Variants in IL1RAPL1 observed in about 807,000 individuals in gnomAD.
IL1RAPL1 encodes the protein interleukin-1 receptor accessory protein-like 1.
A neutral mutation model predicts 48.4 loss-of-function variants in IL1RAPL1; 3 were observed. The observed-to-expected ratio is 0.06, with a 90% CI of 0.03 to 0.16. The LOEUF is 0.16. Ranked by LOEUF, IL1RAPL1 falls within the 10% of genes least tolerant of loss-of-function variation. The probability of loss-of-function intolerance (pLI) is 1.00; values close to 1 mark genes in which losing one functional copy is unlikely to be tolerated. For synonymous variants in IL1RAPL1, 185 were observed against 187.7 expected (o/e 0.99, Z 0.12); for missense variants, 349 against 530.6 (o/e 0.66, Z 3.36).
chrX:28,780,256 G>A (rs1936406610), intron 1 of IL1RAPL1, among the ~76,000 whole-genome samples: 1 of 109,154 alleles, frequency 9.2e-6, no homozygotes, highest in South Asian at 4.0e-4. Flanking sequence ...CCTTAAAGTA[G>A]TATTAGGTGG....
chrX:29,103,218 C>T (rs1024527359), intron 2 of IL1RAPL1, among the ~76,000 whole-genome samples: 10 of 111,755 alleles, frequency 8.9e-5, no homozygotes, highest in Non-Finnish European at 1.7e-4. Flanking sequence ...ACCGAGCCCA[C>T]GTTATGCTAC....
At chrX:29,294,420 C>T (rs1021318183) in intron 3 of IL1RAPL1, among the ~76,000 whole-genome samples, 3 of 106,777 alleles carry the variant, frequency 2.8e-5, no homozygotes, top group Admixed American at 1.0e-4. Context: ...CCCAGCTACT[C>T]GGGAGGCTGA....
chrX:28,641,164 G>A (rs1483057214), intron 1 of IL1RAPL1, among the ~76,000 whole-genome samples: 3 of 109,024 alleles, frequency 2.8e-5, no homozygotes, highest in Admixed American at 2.0e-4. Flanking sequence ...TGCTGCACCC[G>A]TCAACCTGTC....
At chrX:28,958,365 C>T (rs1484735599) in intron 2 of IL1RAPL1, among the ~76,000 whole-genome samples, 2 of 111,605 alleles carry the variant, frequency 1.8e-5, no homozygotes, top group African/African-American at 3.3e-5. Flanking sequence ...TCACTCCTAA[C>T]GCTGTACACA....
chrX:28,997,986 A>G (rs957457450), intron 2 of IL1RAPL1, among the ~76,000 whole-genome samples: 32 of 112,028 alleles, frequency 2.9e-4, no homozygotes, highest in African/African-American at 1.0e-3. Flanking sequence ...AAGAGTTGTC[A>G]TGGCAGAAAA....
At chrX:29,627,800 A>T (rs1471210610) in intron 5 of IL1RAPL1, among the ~76,000 whole-genome samples, 1 of 112,273 alleles carries the variant, frequency 8.9e-6, no homozygotes, top group East Asian at 2.8e-4. Flanking sequence ...TTAGTAAGAT[A>T]CACTTAGGGG....
chrX:29,397,810 CTT>C (rs911620919), intron 4 of IL1RAPL1, among the ~76,000 whole-genome samples: 4 of 111,104 alleles, frequency 3.6e-5, no homozygotes, highest in African/African-American at 1.3e-4. Context: ...TATGCAGTGT[CTT>C]TGTTGTTCAC....
At chrX:28,968,620 C>G (rs888955392) in intron 2 of IL1RAPL1, among the ~76,000 whole-genome samples, 30 of 112,672 alleles carry the variant, frequency 2.7e-4, no homozygotes, top group Admixed American at 1.9e-3. Context: ...CATAAAATAA[C>G]ATGAGTTAAG....
At chrX:29,377,667 A>C (rs1933641542) in intron 3 of IL1RAPL1, among the ~76,000 whole-genome samples, 1 of 112,321 alleles carries the variant, frequency 8.9e-6, no homozygotes, top group South Asian at 3.6e-4. Context: ...ATTTTCTCTA[A>C]GAGTGCTGAA....
At chrX:28,745,747 G>A (rs1172927344) in intron 1 of IL1RAPL1, among the ~76,000 whole-genome samples, 2 of 111,676 alleles carry the variant, frequency 1.8e-5, no homozygotes, top group African/African-American at 3.3e-5. Context: ...GACTAATAGT[G>A]TGCTATATAG....
chrX:29,493,244 T>C (rs971534597), intron 5 of IL1RAPL1, among the ~76,000 whole-genome samples: 12 of 111,988 alleles, frequency 1.1e-4, no homozygotes, highest in African/African-American at 3.6e-4. Context: ...CAAAGTTTTG[T>C]CTGGTGAGAA....
At chrX:28,660,411 A>T (rs1934809124) in intron 1 of IL1RAPL1, among the ~76,000 whole-genome samples, 1 of 110,905 alleles carries the variant, frequency 9.0e-6, no homozygotes, top group Non-Finnish European at 1.9e-5. Context: ...TTATTCACAA[A>T]GACCCTGCAA....
intron 9 of IL1RAPL1, among the ~76,000 whole-genome samples, chrX:29,942,375 C>T (rs1479207020): frequency 9.1e-6 from 1 of 110,409 alleles, no homozygotes; most frequent in Non-Finnish European, 1.9e-5. Flanking sequence ...CATATTTTTA[C>T]TGTACGTAGA....
At chrX:28,821,469 C>T (rs1936936772) in intron 2 of IL1RAPL1, among the ~76,000 whole-genome samples, 1 of 111,239 alleles carries the variant, frequency 9.0e-6, no homozygotes, top group Non-Finnish European at 1.9e-5. Flanking sequence ...TTAAGTTTCC[C>T]AAAGACATTT....
At chrX:28,838,237 G>A (rs1921277343) in intron 2 of IL1RAPL1, among the ~76,000 whole-genome samples, 1 of 111,417 alleles carries the variant, frequency 9.0e-6, no homozygotes, top group African/African-American at 3.3e-5. Context: ...TCTAGAATCT[G>A]AGAGCCAGAG....
chrX:28,812,560 T>C, intron 2 of IL1RAPL1, among the ~76,000 whole-genome samples: 1 of 111,295 alleles, frequency 9.0e-6, no homozygotes, highest in Admixed American at 9.6e-5. Context: ...TTAAAAAACA[T>C]ACTTATCCAG....
At chrX:29,138,221 T>G (rs1037120956) in intron 2 of IL1RAPL1, among the ~76,000 whole-genome samples, 1 of 111,919 alleles carries the variant, frequency 8.9e-6, no homozygotes, top group Non-Finnish European at 1.9e-5. Flanking sequence ...ATTCAGCACT[T>G]TAAAAATAAT....
intron 2 of IL1RAPL1, among the ~76,000 whole-genome samples, chrX:29,269,159 C>G (rs927197344): frequency 8.9e-6 from 1 of 112,185 alleles, no homozygotes; most frequent in East Asian, 2.8e-4. Flanking sequence ...TAGTGATTTA[C>G]TGCATTAAGT....
At chrX:29,033,899 G>GACAAAC (rs1555955233) in intron 2 of IL1RAPL1, among the ~76,000 whole-genome samples, 2 of 103,107 alleles carry the variant, frequency 1.9e-5, no homozygotes, top group African/African-American at 7.1e-5. Context: ...CAAGAAATGG[G>GACAAAC]ACACACACAC....
Sources: allele counts gnomAD v4.1 joint callset (sites outside exome capture counted in the v4.1 genomes callset), GRCh38; gene constraint gnomAD v4.1.1; transcripts MANE v1.5; gene names NCBI Gene and HGNC (gene_info 2026-07-23, HGNC 2026-07-21).